KIN: variants seen among roughly 807,000 people sequenced by gnomAD.
KIN encodes the protein Kin17 DNA and RNA binding protein.
A neutral mutation model predicts 63.0 loss-of-function variants in KIN; 47 were observed. The ratio of observed to expected loss-of-function variants is 0.75; its 90% CI spans 0.59 to 0.95. The LOEUF (loss-of-function observed/expected upper bound fraction) is 0.95, where lower values mean the gene tolerates loss of function less well. Among genes scored for constraint, KIN ranks in the 40% least tolerant of loss-of-function variants. KIN has a pLI of 0.00. For synonymous variants in KIN, 160 were observed against 157.7 expected (o/e 1.01, Z -0.11); for missense variants, 408 against 460.9 (o/e 0.89, Z 1.05).
chr10:7,781,535 T>C (rs1371598442), intron 2 of KIN, among the ~76,000 whole-genome samples: 1 of 150,220 alleles, frequency 6.7e-6, no homozygotes, highest in Non-Finnish European at 1.5e-5. Flanking sequence ...GGAGGATCAC[T>C]TGAGCCCAGG....
chr10:7,781,702 G>C (rs1296162911), intron 2 of KIN, among the ~76,000 whole-genome samples: 5 of 142,294 alleles, frequency 3.5e-5, no homozygotes, highest in African/African-American at 1.3e-4. Context: ...GAGCCCAGGA[G>C]GTCAAGGTTG....
At chr10:7,757,264 C>T (rs1417289225) in intron 12 of KIN, among the ~76,000 whole-genome samples, 4 of 151,976 alleles carry the variant, frequency 2.6e-5, no homozygotes, top group Non-Finnish European at 5.9e-5. Flanking sequence ...TTTGGGAGGC[C>T]GAGGCAGGTG....
intron 1 of KIN, 28 bp from the exon 2 acceptor site, chr10:7,783,203 C>T (rs1296996948): frequency 7.4e-7 from 1 of 1,349,426 alleles, no homozygotes; most frequent in Non-Finnish European, 1.0e-6. Context: ...GCAATAAATT[C>T]TGATTTAGGT....
Position 7,756,084 on chromosome 10 carries a change from G to A in KIN, c.1178C>T (p.Ala393Val), listed in dbSNP as rs1835327321. 1.3e-6 allele frequency: 2 copies of A among 1,578,136 alleles called. No homozygotes were observed. The highest frequency in any genetic ancestry group is 1.2e-5 in the South Asian group (1 of 84,126). The change falls in exon 13 of 13, where the codon GCC becomes GTC. Residue 393 changes from alanine to valine, a missense_variant. This residue lies in a region of KIN where 298 missense variants were observed against 296.0 expected (regional missense o/e 1.01). Coordinates refer to ENST00000379562, the MANE Select transcript of KIN (RefSeq NM_012311.4). Reference sequence around the variant, plus strand: ...ATTGTTAACAAATTTTCAAACTCAGGCAAGTTTAGAAATGTCTTCATATTG... The same window carrying A: ...ATTGTTAACAAATTTTCAAACTCAGACAAGTTTAGAAATGTCTTCATATTG... The part of the protein sequence containing the change: ...GIQYEDISKL[A>V]
At chr10:7,764,027 T>C (rs1052532822) in intron 9 of KIN, among the ~76,000 whole-genome samples, 1 of 152,202 alleles carries the variant, frequency 6.6e-6, no homozygotes, top group Non-Finnish European at 1.5e-5. Flanking sequence ...AATATATACA[T>C]ATATATAAAA....
intron 2 of KIN, among the ~76,000 whole-genome samples, chr10:7,781,422 A>T (rs775331412): frequency 9.2e-5 from 14 of 152,172 alleles, no homozygotes; most frequent in Non-Finnish European, 1.9e-4. Context: ...CATGCGAAAG[A>T]GGCTGAGTTT....
chr10:7,755,973 GTT>G lies in KIN; in HGVS notation c.*105_*106del. On this transcript the variant is annotated 3_prime_UTR_variant, in exon 13 of 13. Transcript: ENST00000379562. Reference sequence around the variant, plus strand: ...CAGTAATATTTTCAAAAACCTGTTTGTTTTATACAAAAGAATATACCCTAACA... The same window carrying G: ...CAGTAATATTTTCAAAAACCTGTTTGTTATACAAAAGAATATACCCTAACA... 1.7e-6 allele frequency: 1 copy of G among 604,214 alleles called. No homozygotes were observed. The allele number at this position is 604,214 out of a possible 1,614,324, so 37.4% of individuals were successfully genotyped here.
In KIN at chr10:7,759,917, A is replaced by C. The variant is rs1298573571; in HGVS notation, c.1092T>G (p.Thr364=). Residue 364 remains threonine, a synonymous_variant, in exon 12 of 13, where the codon ACT becomes ACG. Transcript: ENST00000379562. ...TTTCAATGACGATAGTAGCTGAAAA[A>C]GTCTTCTCATTGATGGATTCTAGGG... The part of the protein sequence containing the change: ...EGTLESINEK[T]FSATIVIETG... The C allele has an allele frequency of 6.4e-7, 1 of 1,564,262 alleles. No individual in the cohort carries two copies. The highest frequency in any genetic ancestry group is 2.3e-5 in the East Asian group (1 of 42,864).
intron 4 of KIN, 53 bp from the exon 5 acceptor site, chr10:7,779,072 A>G (rs1294572065): frequency 1.9e-6 from 3 of 1,563,988 alleles, no homozygotes; most frequent in Non-Finnish European, 8.7e-7. Flanking sequence ...GCAAAACATA[A>G]ATATGAATGT....
chr10:7,775,616 T>C (rs770438366), intron 6 of KIN, 135 bp downstream of exon 6: 1 of 480,880 alleles, frequency 2.1e-6, no homozygotes, highest in East Asian at 3.5e-5. Context: ...TACCTTTTCA[T>C]TAAATTAATA....
chr10:7,760,649 T>A (rs11594826), intron 11 of KIN, among the ~76,000 whole-genome samples: 51,011 of 150,580 alleles, frequency 0.34, 9,532 homozygotes, highest in Non-Finnish European at 0.42. Flanking sequence ...CACATTCACA[T>A]AACTTTTATC....
At position 7,774,844 on chromosome 10, in the gene KIN, A is replaced by C. The variant is rs754778457; in HGVS notation, c.655T>G (p.Ser219Ala). The C allele has an allele frequency of 3.1e-6, 5 of 1,613,268 alleles. No individual in the cohort carries two copies. Among genetic ancestry groups the C allele is most frequent in the Non-Finnish European group, 4.2e-6 (5 of 1,179,266 alleles). Residue 219 changes from serine to alanine, a missense_variant, in exon 7 of 13, where the codon TCT (serine) becomes GCT (alanine). Around this residue, in one of 2 missense-constraint regions of KIN, gnomAD observed 298 missense variants for 296.0 expected, o/e 1.01. Coordinates refer to ENST00000379562, the MANE Select transcript of KIN (RefSeq NM_012311.4). Reference protein sequence around the residue: ...KGACSSSGATSSKSSTLGPSA... With the variant: ...KGACSSSGATASKSSTLGPSA... ...GATGCAGCTCACCTTGACTTGGAAGATGTTGCTCCGGATGAGCTACATGCT... is the reference window on the plus strand; with the variant it reads ...GATGCAGCTCACCTTGACTTGGAAGCTGTTGCTCCGGATGAGCTACATGCT...
intron 12 of KIN, among the ~76,000 whole-genome samples, chr10:7,756,395 C>G (rs1233717320): frequency 6.6e-6 from 1 of 152,206 alleles, no homozygotes; most frequent in Non-Finnish European, 1.5e-5. Flanking sequence ...GCAAGCTGTT[C>G]AGTATCTCCT....
Position 7,757,097 on chromosome 10 carries a change from T to C in KIN, c.1120-955A>G, listed in dbSNP as rs1449935952. ...GGTAATGTCTGTATGATTGGGTTGT[T>C]GGGAAATATAAATGAGTTATTTCAT... is the stretch of plus-strand genomic sequence containing the variant. On this transcript the variant is annotated intron_variant, in intron 12 of 12. Coordinates refer to ENST00000379562, the MANE Select transcript of KIN (RefSeq NM_012311.4). Among the ~76,000 whole-genome samples the C allele has an allele frequency of 3.3e-5, 5 of 152,360 alleles. No individual in the cohort carries two copies. In the East Asian group the frequency reaches 9.6e-4, roughly 29 times the overall value.
intron 2 of KIN, among the ~76,000 whole-genome samples, chr10:7,781,682 A>T (rs987718079): frequency 7.0e-6 from 1 of 143,580 alleles, no homozygotes; most frequent in African/African-American, 2.6e-5. Context: ...CTGAAGCAGG[A>T]GGATCGCCTG....
chr10:7,770,333 C>T (rs1835642661), intron 7 of KIN, among the ~76,000 whole-genome samples: 1 of 152,228 alleles, frequency 6.6e-6, no homozygotes, highest in Non-Finnish European at 1.5e-5. Context: ...GTACACCAGT[C>T]ACTAAGAACA....
chr10:7,765,760 C>T (rs989225027), intron 9 of KIN, among the ~76,000 whole-genome samples: 11 of 152,174 alleles, frequency 7.2e-5, no homozygotes, highest in African/African-American at 2.4e-4. Flanking sequence ...AACATAACCT[C>T]TTGTCTTATA....
Position 7,779,127 on chromosome 10 carries a change from G to A in KIN, c.377-108C>T, listed in dbSNP as rs960445137. On this transcript the variant is annotated intron_variant, in intron 4 of 12. Transcript: ENST00000379562. ...ATTCATTCAAACACACACAAATCAG[G>A]CCGAGCGCAGTGGCTTACACCTGTA... The A allele has an allele frequency of 3.3e-5, 42 of 1,292,142 alleles. No homozygotes were observed. The African/African-American group carries it at 5.2e-4, about 16-fold the overall frequency. The allele number at this position is 1,292,142 out of a possible 1,614,324, so 80.0% of individuals were successfully genotyped here.
chr10:7,786,748 T>A (rs1318279188), intron 1 of KIN, among the ~76,000 whole-genome samples: 1 of 152,172 alleles, frequency 6.6e-6, no homozygotes, highest in East Asian at 1.9e-4. Flanking sequence ...CCTCCAGAAC[T>A]GTGAGAAATA....
Sources: gnomAD v4.1 joint callset for allele counts (sites outside exome capture counted in the v4.1 genomes callset) on GRCh38, gnomAD v4.1.1 for gene constraint, gnomAD v4.1.1 regional missense constraint, MANE v1.5 for transcripts, NCBI Gene and HGNC (gene_info 2026-07-23, HGNC 2026-07-21) for gene names.